Variants in SPANXN1 observed in about 807,000 individuals in gnomAD.
SPANXN1 encodes sperm protein associated with the nucleus on the X chromosome N1.
SPANXN1 carries 1 observed loss-of-function variant against 2.0 expected under a neutral mutation model. The ratio of observed to expected loss-of-function variants is 0.50; its 90% CI spans 0.18 to 2.36. The LOEUF is 2.36. Among genes scored for constraint, SPANXN1 ranks in the 30% most tolerant of loss-of-function variants. SPANXN1 has a pLI of 0.26. For missense variants in SPANXN1, 55 were observed against 51.8 expected (o/e 1.06, Z -0.19); for synonymous variants, 27 against 21.3 (o/e 1.27, Z -0.74).
intron 1 of SPANXN1, among the ~76,000 whole-genome samples, chrX:145,253,928 T>C (rs781790690): frequency 9.0e-6 from 1 of 111,211 alleles, no homozygotes; most frequent in Non-Finnish European, 1.9e-5. Context: ...GGAACTTGAA[T>C]TCAGATTGTG....
At chrX:145,248,432 T>C (rs2070771113) in intron 1 of SPANXN1, among the ~76,000 whole-genome samples, 1 of 111,769 alleles carries the variant, frequency 8.9e-6, no homozygotes, top group African/African-American at 3.3e-5. Flanking sequence ...CCACCTGCTA[T>C]CCCAGTGCTG....
At chrX:145,250,316 G>T (rs1309500281) in intron 1 of SPANXN1, among the ~76,000 whole-genome samples, 4 of 111,156 alleles carry the variant, frequency 3.6e-5, no homozygotes, top group African/African-American at 1.3e-4. Context: ...CTACTATTGT[G>T]AGGTATAGGA....
chrX:145,251,146 G>A (rs1403229721), intron 1 of SPANXN1, among the ~76,000 whole-genome samples: 2 of 111,635 alleles, frequency 1.8e-5, no homozygotes, highest in Admixed American at 1.9e-4. Context: ...TTAACTAACC[G>A]TGTATGTGTT....
rs782040198 is a variant in SPANXN1 at position 145,255,699 on chromosome X, C to T, written c.104C>T (p.Ala35Val). The change falls in exon 2 of 2, where the codon GCC (alanine) becomes GTC (valine). Residue 35 changes from alanine (A) to valine (V), a missense_variant. Coordinates refer to ENST00000370493, the MANE Select transcript of SPANXN1 (RefSeq NM_001009614.3). ...EMQETPNRDL[A>V]PEPSLKKMKT... ...CAGGAGACACCAAACAGGGACTTAG[C>T]CCCCGAACCGAGTTTGAAAAAGATG... 3 of 1,211,858 alleles carry T rather than the reference C, an allele frequency of 2.5e-6. No individual in the cohort carries two copies. The highest frequency in any genetic ancestry group is 3.3e-6 in the Non-Finnish European group (3 of 895,545).
chrX:145,255,616 C>G lies in SPANXN1; in HGVS notation c.76-55C>G, dbSNP rs186850537. The G allele has an allele frequency of 3.0e-4, 356 of 1,205,258 alleles. 2 individuals carry two copies. The African/African-American group carries it at 5.8e-3, about 20-fold the overall frequency. On this transcript the variant is annotated intron_variant, in intron 1 of 1. Coordinates refer to ENST00000370493, the MANE Select transcript of SPANXN1 (RefSeq NM_001009614.3). ...TAAAGCCCCCCTTGCTATCCAGTCT[C>G]TATCCTATTCACCCAAAATAATGTC...
chrX:145,255,872 G>A lies in SPANXN1; in HGVS notation c.*58G>A. ...GGACGAAGGCCTAGACTCAGCTGAA[G>A]GATCTTCAAAGCAGGATGAAGACCT... On this transcript the variant is annotated 3_prime_UTR_variant, in exon 2 of 2. Coordinates refer to ENST00000370493, the MANE Select transcript of SPANXN1 (RefSeq NM_001009614.3). 1 of 1,211,164 alleles carries A rather than the reference G, an allele frequency of 8.3e-7. No homozygotes were observed.
In SPANXN1 at chrX:145,255,802, T is replaced by C. The variant is rs144905365; in HGVS notation, c.207T>C (p.Asn69=). The C allele has an allele frequency of 2.1e-4, 259 of 1,210,689 alleles. No homozygotes were observed. In the African/African-American group the frequency reaches 3.0e-3, roughly 14 times the overall value. The change falls in exon 2 of 2, where the codon AAT becomes AAC. Residue 69 remains asparagine (N), a synonymous_variant. Coordinates refer to ENST00000370493, the MANE Select transcript of SPANXN1 (RefSeq NM_001009614.3). ...AKKIHSNQLE[N]DQS is the part of the protein sequence containing the mutation. ...AAATACATTCAAATCAACTGGAGAATGACCAGTCCTGAGAGAACTCCATCA... is the reference window on the plus strand; with the variant it reads ...AAATACATTCAAATCAACTGGAGAACGACCAGTCCTGAGAGAACTCCATCA...
chrX:145,253,855 G>C (rs1556882771), intron 1 of SPANXN1, among the ~76,000 whole-genome samples: 1 of 111,504 alleles, frequency 9.0e-6, no homozygotes, highest in Non-Finnish European at 1.9e-5. Context: ...ATTTCTTGCA[G>C]AAGGAGGTAG....
At position 145,256,101 on chromosome X, in the gene SPANXN1, A is replaced by G; in HGVS notation, c.*287A>G. 4.3e-6 allele frequency: 2 copies of G among 469,594 alleles called. No homozygotes were observed. Among genetic ancestry groups the G allele is most frequent in the Non-Finnish European group, 3.7e-6 (1 of 267,477 alleles). The allele number at this position is 469,594 out of a possible 1,213,427, so 38.7% of individuals were successfully genotyped here. A position where few individuals can be genotyped will look rare whatever the true frequency, so the allele number is the denominator to read the frequency against. ...TTACCTGAAGGATCTTCACAGGAGGATGAAGACCTAGAGAAAAAGCGATCA... is the reference window on the plus strand; with the variant it reads ...TTACCTGAAGGATCTTCACAGGAGGGTGAAGACCTAGAGAAAAAGCGATCA... On this transcript the variant is annotated 3_prime_UTR_variant, in exon 2 of 2. Coordinates refer to ENST00000370493, the MANE Select transcript of SPANXN1 (RefSeq NM_001009614.3).
At chrX:145,254,076 G>C (rs782503273) in intron 1 of SPANXN1, among the ~76,000 whole-genome samples, 1 of 108,896 alleles carries the variant, frequency 9.2e-6, no homozygotes, top group Admixed American at 9.9e-5. Context: ...GTGACAGTAA[G>C]GGGGTGGAGG....
chrX:145,250,071 G>GT (rs1403100666), intron 1 of SPANXN1, among the ~76,000 whole-genome samples: 3 of 111,175 alleles, frequency 2.7e-5, no homozygotes, highest in African/African-American at 9.8e-5. Context: ...TTGGTTAGTT[G>GT]TTTTTTATAA....
chrX:145,250,385 T>A (rs782732634), intron 1 of SPANXN1, among the ~76,000 whole-genome samples: 21 of 111,303 alleles, frequency 1.9e-4, no homozygotes, highest in African/African-American at 6.5e-4. Context: ...CTGGTAAGTG[T>A]CCTCAGGCCT....
intron 1 of SPANXN1, among the ~76,000 whole-genome samples, chrX:145,251,674 TTTTG>T (rs1347897550): frequency 5.4e-5 from 6 of 111,703 alleles, no homozygotes; most frequent in African/African-American, 1.3e-4. Context: ...TTTTTAAGTT[TTTTG>T]TTTGTTTGTT....
chrX:145,250,784 T>C (rs1376436273), intron 1 of SPANXN1, among the ~76,000 whole-genome samples: 2 of 111,963 alleles, frequency 1.8e-5, no homozygotes, highest in African/African-American at 6.5e-5. Flanking sequence ...TTTTGGCATC[T>C]GTAACCTTTC....
intron 1 of SPANXN1, among the ~76,000 whole-genome samples, chrX:145,252,685 G>C (rs782094549): frequency 2.2e-3 from 240 of 110,219 alleles, no homozygotes; most frequent in African/African-American, 7.8e-3. Context: ...AGGATGAGTA[G>C]GGGGAGAGGG....
intron 1 of SPANXN1, among the ~76,000 whole-genome samples, chrX:145,249,509 G>C (rs1397381491): frequency 9.0e-6 from 1 of 111,533 alleles, no homozygotes; most frequent in East Asian, 2.8e-4. Context: ...TGGCGACGGA[G>C]AGTGTTATGG....
intron 1 of SPANXN1, among the ~76,000 whole-genome samples, chrX:145,254,269 G>A (rs60703066): frequency 1.6e-4 from 18 of 111,812 alleles, no homozygotes; most frequent in African/African-American, 5.8e-4. Flanking sequence ...GGGAGAGTGA[G>A]CTGTGAACGA....
intron 1 of SPANXN1, among the ~76,000 whole-genome samples, chrX:145,254,179 G>C (rs376249497): frequency 1.9e-5 from 2 of 105,050 alleles, no homozygotes; most frequent in Non-Finnish European, 3.9e-5. Context: ...GAGGAGGAAG[G>C]CTTGTCCGGA....
chrX:145,254,817 G>GA (rs1191012511), intron 1 of SPANXN1, among the ~76,000 whole-genome samples: 17 of 111,355 alleles, frequency 1.5e-4, no homozygotes, highest in African/African-American at 4.9e-4. Flanking sequence ...GGAAGGAAGG[G>GA]AAAAGAAAAA....
Sources: gnomAD v4.1 joint callset for allele counts (sites outside exome capture counted in the v4.1 genomes callset) on GRCh38, gnomAD v4.1.1 for gene constraint, MANE v1.5 for transcripts, NCBI Gene and HGNC (gene_info 2026-07-23, HGNC 2026-07-21) for gene names.